The following NETO2 variants were observed in gnomAD, a reference collection of about 807,000 sequenced individuals.
NETO2 encodes the protein neuropilin and tolloid-like protein 2.
NETO2 carries 28 observed loss-of-function variants against 62.5 expected under a neutral mutation model. That is an observed-to-expected ratio of 0.45 (90% confidence interval 0.33 to 0.61). The LOEUF is 0.61. Ranked by LOEUF, NETO2 falls within the 20% of genes least tolerant of loss-of-function variation. The pLI, the probability that NETO2 is intolerant of heterozygous loss-of-function variation, is 0.02. For synonymous variants in NETO2, 214 were observed against 219.1 expected (o/e 0.98, Z 0.21); for missense variants, 548 against 643.2 (o/e 0.85, Z 1.60).
intron 7 of NETO2, among the ~76,000 whole-genome samples, chr16:47,108,085 A>T (rs1963711589): frequency 6.6e-6 from 1 of 152,108 alleles, no homozygotes; most frequent in East Asian, 1.9e-4. Flanking sequence ...CACAATAATA[A>T]TATTATTAAT....
intron 7 of NETO2, among the ~76,000 whole-genome samples, chr16:47,095,689 G>A (rs187912511): frequency 6.6e-6 from 1 of 152,264 alleles, no homozygotes; most frequent in East Asian, 1.9e-4. Flanking sequence ...ACTGATGGGA[G>A]AAGTAGACAC....
At position 47,122,871 on chromosome 16, in the gene NETO2, G is replaced by C. The variant is rs1380235746; in HGVS notation, c.523C>G (p.Pro175Ala). 1.2e-6 allele frequency: 2 copies of C among 1,613,868 alleles called. No individual in the cohort carries two copies. Among genetic ancestry groups the C allele is most frequent in the Non-Finnish European group, 1.7e-6 (2 of 1,179,938 alleles). ...AACAAGTGGTAATATACTAAACCTG[G>C]AATGGGATTTAAAATACCTCCTAGG... is the stretch of plus-strand genomic sequence containing the variant. The part of the protein sequence containing the change: ...TYLGGILNPI[P>A]DCQFELSGAD... The change falls in exon 5 of 9, where the codon CCA (proline) becomes GCA (alanine). Residue 175 changes from proline (P) to alanine (A), a missense_variant. Coordinates refer to ENST00000562435, the MANE Select transcript of NETO2 (RefSeq NM_018092.5).
At chr16:47,114,439 C>CTTTTTTTTTTT (rs33994080) in intron 6 of NETO2, among the ~76,000 whole-genome samples, 1 of 37,928 alleles carries the variant, frequency 2.6e-5, no homozygotes, top group African/African-American at 1.2e-4. Flanking sequence ...TTATAAATTT[C>CTTTTTTTTTTT]TTTTTTTTTT....
rs1017427789 is a variant in NETO2 at position 47,080,319 on chromosome 16, A to C, written c.*2902T>G. The stretch of plus-strand genomic sequence containing the variant: ...ACTTAATGCTGTTTCTGAATTGAAG[A>C]TATTTATCCCTTCCAGATTTGCATT... On this transcript the variant is annotated 3_prime_UTR_variant, in exon 9 of 9. Transcript: ENST00000562435. 6.6e-6 allele frequency: 1 copy of C among 152,176 alleles called. No individual in the cohort carries two copies. The highest frequency in any genetic ancestry group is 2.4e-5 in the African/African-American group (1 of 41,442). The allele number at this position is 152,176 out of a possible 1,614,324, so 9.4% of individuals were successfully genotyped here. A position where few individuals can be genotyped will look rare whatever the true frequency, so the allele number is the denominator to read the frequency against.
chr16:47,085,923 G>A (rs1052046162), intron 8 of NETO2, among the ~76,000 whole-genome samples: 1 of 151,948 alleles, frequency 6.6e-6, no homozygotes, highest in Non-Finnish European at 1.5e-5. Flanking sequence ...GGCTAACACA[G>A]TGAAACCCTG....
rs572233997 is a variant in NETO2 at position 47,139,103 on chromosome 16, G to A, written c.34+4476C>T. Among the ~76,000 whole-genome samples, 8 of 152,314 alleles carry A rather than the reference G, an allele frequency of 5.3e-5. No individual in the cohort carries two copies. In the South Asian group the frequency reaches 1.7e-3, roughly 32 times the overall value. ...GTCTGTCTCTTCTCACTAGAAAGAA[G>A]GGCCTTGTCTGTCTGATTCACTGAT... On this transcript the variant is annotated intron_variant, in intron 1 of 8. Transcript: ENST00000562435.
At position 47,128,348 on chromosome 16, in the gene NETO2, C is replaced by T. The variant is rs570422652; in HGVS notation, c.458G>A (p.Arg153Gln). Residue 153 changes from arginine (R) to glutamine (Q), a missense_variant, in exon 4 of 9, where the codon CGA becomes CAA. By Grantham distance (43) the Arg-to-Gln change is conservative. Coordinates refer to ENST00000562435, the MANE Select transcript of NETO2 (RefSeq NM_018092.5). ...SDEELEGLGFRAKYSFIPDPD... is the reference protein window; with the variant it reads ...SDEELEGLGFQAKYSFIPDPD... ...ACCTGGAATAAATGAATATTTTGCTCGAAATCCCAGTCCTTCAAGCTCTTC... is the reference window on the plus strand; with the variant it reads ...ACCTGGAATAAATGAATATTTTGCTTGAAATCCCAGTCCTTCAAGCTCTTC... The T allele has an allele frequency of 2.5e-5, 40 of 1,613,280 alleles. No homozygotes were observed. In the South Asian group the frequency reaches 2.5e-4, roughly 10 times the overall value.
At chr16:47,086,833 T>C (rs879257452) in intron 7 of NETO2, among the ~76,000 whole-genome samples, 1 of 152,188 alleles carries the variant, frequency 6.6e-6, no homozygotes, top group Admixed American at 6.5e-5. Flanking sequence ...GTTACTTGCA[T>C]ACCAATGTTC....
At chr16:47,120,722 T>C (rs1053407663) in intron 6 of NETO2, among the ~76,000 whole-genome samples, 1 of 152,220 alleles carries the variant, frequency 6.6e-6, no homozygotes, top group African/African-American at 2.4e-5. Flanking sequence ...GGCTTCTATT[T>C]TGCTATTGAT....
chr16:47,083,377 A>G lies in NETO2; in HGVS notation c.1422T>C (p.Phe474=). ...DFAQPQPMKT[F]NSTFKKSSYT... ...AACTACTTTTCTTGAAGGTGCTATT[A>G]AATGTTTTCATTGGCTGTGGTTGTG... The change falls in exon 9 of 9, where the codon TTT becomes TTC. Residue 474 remains phenylalanine (F), a synonymous_variant. Coordinates refer to ENST00000562435, the MANE Select transcript of NETO2 (RefSeq NM_018092.5). 1 of 1,614,176 alleles carries G rather than the reference A, an allele frequency of 6.2e-7. No homozygotes were observed. Among genetic ancestry groups the G allele is most frequent in the Non-Finnish European group, 8.5e-7 (1 of 1,180,034 alleles).
rs571012509 is a variant in NETO2 at position 47,081,590 on chromosome 16, C to T, written c.*1631G>A. ...CAATTTTCACTAATCTGAGAAAACACATATATGTAATATTTAAAAGTTAAT... is the reference window on the plus strand; with the variant it reads ...CAATTTTCACTAATCTGAGAAAACATATATATGTAATATTTAAAAGTTAAT... On this transcript the variant is annotated 3_prime_UTR_variant, in exon 9 of 9. Coordinates refer to ENST00000562435, the MANE Select transcript of NETO2 (RefSeq NM_018092.5). The T allele has an allele frequency of 3.1e-4, 48 of 152,620 alleles. No homozygotes were observed. The highest frequency in any genetic ancestry group is 1.1e-3 in the African/African-American group (47 of 41,558). The allele number at this position is 152,620 out of a possible 1,614,324, so 9.5% of individuals were successfully genotyped here. A position where few individuals can be genotyped will look rare whatever the true frequency, so the allele number is the denominator to read the frequency against.
intron 3 of NETO2, among the ~76,000 whole-genome samples, chr16:47,128,980 G>T (rs1964211478): frequency 6.6e-6 from 1 of 152,196 alleles, no homozygotes; most frequent in Non-Finnish European, 1.5e-5. Flanking sequence ...ATCAGAGAAA[G>T]AAGTTTTTCA....
At chr16:47,128,074 A>T (rs1210082662) in intron 4 of NETO2, among the ~76,000 whole-genome samples, 5 of 152,226 alleles carry the variant, frequency 3.3e-5, no homozygotes, top group Non-Finnish European at 7.3e-5. Flanking sequence ...CATGTGCTAT[A>T]AGACAGAAAA....
At chr16:47,139,305 T>C (rs1304738695) in intron 1 of NETO2, among the ~76,000 whole-genome samples, 1 of 152,192 alleles carries the variant, frequency 6.6e-6, no homozygotes, top group Non-Finnish European at 1.5e-5. Flanking sequence ...ACATGTGACC[T>C]TGCTTTTTTA....
intron 7 of NETO2, among the ~76,000 whole-genome samples, chr16:47,088,002 T>C (rs1963232738): frequency 6.6e-6 from 1 of 152,268 alleles, no homozygotes. Context: ...TAGTATTAAG[T>C]ATTTCAGTGT....
rs1963010319 is a variant in NETO2 at position 47,078,160 on chromosome 16, G to A, written c.*5061C>T. ...ATGGTTCTAAGTGTAATAAAATAAA[G>A]TTGCCCTTATCATAACTAGGATTAT... is the stretch of plus-strand genomic sequence containing the variant. On this transcript the variant is annotated 3_prime_UTR_variant, in exon 9 of 9. Transcript: ENST00000562435. 2 of 152,192 alleles carry A rather than the reference G, an allele frequency of 1.3e-5. No homozygotes were observed. Among genetic ancestry groups the A allele is most frequent in the Non-Finnish European group, 2.9e-5 (2 of 68,038 alleles). The allele number at this position is 152,192 out of a possible 1,614,324, so 9.4% of individuals were successfully genotyped here.
intron 1 of NETO2, among the ~76,000 whole-genome samples, chr16:47,143,322 G>C (rs1016098934): frequency 6.6e-6 from 1 of 152,000 alleles, no homozygotes; most frequent in South Asian, 2.1e-4. Context: ...CCGCCTTCCC[G>C]ACCCGATCCC....
chr16:47,121,310 A>G (rs1374385924), intron 6 of NETO2, among the ~76,000 whole-genome samples: 1 of 152,030 alleles, frequency 6.6e-6, no homozygotes, highest in Non-Finnish European at 1.5e-5. Context: ...GCGGGCTGTG[A>G]GCTGACCTGC....
rs150946796 is a variant in NETO2, at chr16:47,087,595, A to G, written c.884-1256T>C. On this transcript the variant is annotated intron_variant, in intron 7 of 8. Transcript: ENST00000562435. ...TATACTTAAAATGGCTAAAATAATA[A>G]ATTTTGTTATGTATATTTTACCCAT... is the stretch of plus-strand genomic sequence containing the variant. Among the ~76,000 whole-genome samples, 14 of 152,224 alleles carry G rather than the reference A, an allele frequency of 9.2e-5. No individual in the cohort carries two copies. The East Asian group carries it at 2.7e-3, about 29-fold the overall frequency.
Sources: gnomAD v4.1 joint callset for allele counts (sites outside exome capture counted in the v4.1 genomes callset) on GRCh38, gnomAD v4.1.1 for gene constraint, MANE v1.5 for transcripts, NCBI Gene and HGNC (gene_info 2026-07-23, HGNC 2026-07-21) for gene names.